The following MSS51 variants were observed in gnomAD, a reference collection of about 807,000 sequenced individuals.
The protein encoded by MSS51 is putative protein MSS51 homolog, mitochondrial.
Under a neutral mutation model 40.2 loss-of-function variants are expected in MSS51, and 32 were observed. That is an observed-to-expected ratio of 0.80 (90% CI 0.60 to 1.07). The LOEUF is 1.07. MSS51 is among the 50% of genes least tolerant of loss of function. MSS51 has a pLI of 0.00. For missense variants in MSS51, 518 were observed against 568.9 expected, an observed-to-expected ratio of 0.91 and a Z score of 0.91; for synonymous variants, 178 against 214.2, an observed-to-expected ratio of 0.83 and a Z score of 1.48.
chr10:73,426,037 C>G lies in MSS51; in HGVS notation c.843G>C (p.Gly281=). Residue 281 remains glycine (G), a synonymous_variant, in exon 5 of 7, where the codon GGG becomes GGC. Transcript: ENST00000299432. Reference sequence around the variant, plus strand: ...ACATGTAACCAAGCTCATCATAGTCCCCTGGGCGAGTAAGAAATGTCTCCA... The same window carrying G: ...ACATGTAACCAAGCTCATCATAGTCGCCTGGGCGAGTAAGAAATGTCTCCA... ...SHVETFLTRP[G]DYDELGYMFP... is the part of the protein sequence containing the mutation. The G allele has an allele frequency of 6.2e-7, 1 of 1,614,172 alleles. No homozygotes were observed.
chr10:73,427,555 T>C (rs980284390), intron 3 of MSS51, 58 bp downstream of exon 3: 11 of 1,533,974 alleles, frequency 7.2e-6, no homozygotes, highest in African/African-American at 2.7e-5. Flanking sequence ...TGAGTCATCA[T>C]GCCCGGCTAA....
chr10:73,425,367 C>T, intron 5 of MSS51, among the ~76,000 whole-genome samples, 176 bp from the exon 6 acceptor site: 1 of 152,042 alleles, frequency 6.6e-6, no homozygotes, highest in Middle Eastern at 3.2e-3. Flanking sequence ...GTACATATGG[C>T]AAATTATCAA....
intron 1 of MSS51, among the ~76,000 whole-genome samples, chr10:73,431,653 T>C (rs1053427422): frequency 6.6e-6 from 1 of 152,200 alleles, no homozygotes; most frequent in Non-Finnish European, 1.5e-5. Context: ...AAATTTGTAT[T>C]TTCCTTTGTA....
intron 1 of MSS51, chr10:73,429,535 G>A (rs1477590972): frequency 2.3e-5 from 10 of 439,436 alleles, no homozygotes; most frequent in South Asian, 1.3e-4. Context: ...AATACAAAAC[G>A]TGCACTAAGA....
chr10:73,425,342 C>T (rs11000652), intron 5 of MSS51, 151 bp from the exon 6 acceptor site: 12 of 620,234 alleles, frequency 1.9e-5, no homozygotes, highest in Non-Finnish European at 3.4e-5. Context: ...ATGAAAAATT[C>T]TGAACCCAAG....
chr10:73,425,794 G>C lies in MSS51; in HGVS notation c.1069+17C>G, dbSNP rs777998192. On this transcript the variant is annotated intron_variant, in intron 5 of 6. Transcript: ENST00000299432. ...CAGGGGAGCCACCCTCTATTCCCCT[G>C]AACCAATGACTCTTACCTGGATGGA... 11 of 1,598,456 alleles carry C rather than the reference G, an allele frequency of 6.9e-6. No individual in the cohort carries two copies. The South Asian group carries it at 1.2e-4, about 18-fold the overall frequency.
chr10:73,426,525 A>G lies in MSS51; in HGVS notation c.502+82T>C, dbSNP rs1195113418. The G allele has an allele frequency of 1.1e-5, 17 of 1,599,040 alleles. No homozygotes were observed. In the Admixed American group the frequency reaches 1.2e-4, roughly 11 times the overall value. On this transcript the variant is annotated intron_variant, in intron 4 of 6. Transcript: ENST00000299432. The stretch of plus-strand genomic sequence containing the variant: ...CTTTGCCCCACTTCCTCATTTTTTC[A>G]TAACAATATGATTTTGTATCTTCCT...
chr10:73,431,600 C>T (rs1031015036), intron 1 of MSS51, among the ~76,000 whole-genome samples: 1 of 152,170 alleles, frequency 6.6e-6, no homozygotes, highest in African/African-American at 2.4e-5. Context: ...CCATATCTTA[C>T]AACATGACTC....
chr10:73,432,638 AAGAGG>A (rs2056036687), intron 1 of MSS51, among the ~76,000 whole-genome samples: 1 of 152,192 alleles, frequency 6.6e-6, no homozygotes, highest in Non-Finnish European at 1.5e-5. Context: ...CAGTTTGAGG[AAGAGG>A]AGTGGTGGTA....
chr10:73,428,054 G>T lies in MSS51; in HGVS notation c.221+10C>A. 1.2e-6 allele frequency: 2 copies of T among 1,611,520 alleles called. No homozygotes were observed. Among genetic ancestry groups the T allele is most frequent in the South Asian group, 1.1e-5 (1 of 90,750 alleles). ...CAATATATCCCTTTTCCATAGAGCT[G>T]GTCACTCACTTATATTCTTCATAGC... On this transcript the variant is annotated intron_variant, in intron 2 of 6. Transcript: ENST00000299432.
intron 1 of MSS51, chr10:73,429,665 C>T (rs1448893153): frequency 4.4e-6 from 2 of 456,260 alleles, no homozygotes; most frequent in Admixed American, 4.7e-5. Context: ...CCTGTCTCAT[C>T]TTCTGCCATG....
chr10:73,431,762 T>A (rs1490317358), intron 1 of MSS51, among the ~76,000 whole-genome samples: 3 of 152,170 alleles, frequency 2.0e-5, no homozygotes, highest in Admixed American at 6.5e-5. Context: ...ACAGAAATAG[T>A]CAAGCTCATC....
chr10:73,426,046 A>T lies in MSS51; in HGVS notation c.834T>A (p.Thr278=), dbSNP rs201323413. ...VGASHVETFL[T]RPGDYDELGY... ...CAAGCTCATCATAGTCCCCTGGGCG[A>T]GTAAGAAATGTCTCCACATGGGAAG... The change falls in exon 5 of 7, where the codon ACT becomes ACA. Residue 278 remains threonine, a synonymous_variant. Coordinates refer to ENST00000299432, the MANE Select transcript of MSS51 (RefSeq NM_001024593.2). 7 of 1,614,102 alleles carry T rather than the reference A, an allele frequency of 4.3e-6. No homozygotes were observed. Among genetic ancestry groups the T allele is most frequent in the Non-Finnish European group, 5.1e-6 (6 of 1,180,032 alleles).
intron 1 of MSS51, among the ~76,000 whole-genome samples, chr10:73,431,394 G>T (rs973342099): frequency 2.0e-5 from 3 of 152,148 alleles, no homozygotes; most frequent in Non-Finnish European, 4.4e-5. Flanking sequence ...AATAACAGAG[G>T]ATTAAAAACG....
intron 2 of MSS51, 95 bp downstream of exon 2, chr10:73,427,969 A>T: frequency 8.0e-7 from 1 of 1,256,280 alleles, no homozygotes; most frequent in Non-Finnish European, 1.1e-6. Context: ...TATTGCAAAT[A>T]CTCCATATTC....
In MSS51 at chr10:73,424,523, C is replaced by G. The variant is rs762452273; in HGVS notation, c.*30G>C. On this transcript the variant is annotated 3_prime_UTR_variant, in exon 7 of 7. Coordinates refer to ENST00000299432, the MANE Select transcript of MSS51 (RefSeq NM_001024593.2). ...GCAGGGTAATTTCATCACAAACTCC[C>G]CGTTTTCCAGATGTCCAGTTATGAT... 6 of 1,547,222 alleles carry G rather than the reference C, an allele frequency of 3.9e-6. No homozygotes were observed. In the South Asian group the frequency reaches 6.7e-5, roughly 17 times the overall value.
intron 1 of MSS51, among the ~76,000 whole-genome samples, chr10:73,429,917 A>G (rs1244620310): frequency 6.6e-6 from 1 of 152,200 alleles, no homozygotes; most frequent in Admixed American, 6.5e-5. Context: ...GAAGAAGAAA[A>G]TCTCTTCAGT....
At chr10:73,432,305 G>A (rs2056034751) in intron 1 of MSS51, among the ~76,000 whole-genome samples, 1 of 152,072 alleles carries the variant, frequency 6.6e-6, no homozygotes, top group African/African-American at 2.4e-5. Context: ...CCAAAGTGCT[G>A]GGATTACAGG....
At chr10:73,428,355 T>A in intron 1 of MSS51, 54 bp from the exon 2 acceptor site, 1 of 1,357,242 alleles carries the variant, frequency 7.4e-7, no homozygotes, top group Non-Finnish European at 1.0e-6. Flanking sequence ...GCTGGACACT[T>A]GTGAAGTATT....
Sources: allele counts gnomAD v4.1 joint callset (sites outside exome capture counted in the v4.1 genomes callset), GRCh38; gene constraint gnomAD v4.1.1; transcripts MANE v1.5; gene names NCBI Gene and HGNC (gene_info 2026-07-23, HGNC 2026-07-21).